The following PCDHA13 variants were observed in gnomAD, a reference collection of about 807,000 sequenced individuals.
PCDHA13 encodes protocadherin alpha 13, also known as protocadherin alpha-13.
Under a neutral mutation model 64.8 loss-of-function variants are expected in PCDHA13, and 54 were observed. That is an observed-to-expected ratio of 0.83 (90% CI 0.67 to 1.04). The LOEUF is 1.04. PCDHA13 is among the 50% of genes least tolerant of loss of function. The pLI is 0.00. For synonymous variants in PCDHA13, 587 were observed against 564.4 expected, an observed-to-expected ratio of 1.04 and a Z score of -0.57; for missense variants, 1,248 against 1,254.3, an observed-to-expected ratio of 0.99 and a Z score of 0.08.
At chr5:140,968,697 C>G in intron 1 of PCDHA13, 2 of 1,614,144 alleles carry the variant, frequency 1.2e-6, no homozygotes, top group South Asian at 2.2e-5. Flanking sequence ...GAAATTAGGA[C>G]TACCAGGAAG....
chr5:140,935,710 A>C (rs551291942), intron 1 of PCDHA13, among the ~76,000 whole-genome samples: 1 of 152,272 alleles, frequency 6.6e-6, no homozygotes, highest in South Asian at 2.1e-4. Context: ...TATAAAACAA[A>C]ATATATTTAG....
intron 1 of PCDHA13, chr5:140,969,383 C>T: frequency 6.3e-6 from 10 of 1,597,986 alleles, no homozygotes; most frequent in African/African-American, 1.3e-5. Context: ...TGTTACACAT[C>T]CCCCAATATC....
intron 1 of PCDHA13, among the ~76,000 whole-genome samples, chr5:140,891,255 A>C (rs1313851741): frequency 6.6e-6 from 1 of 151,868 alleles, no homozygotes; most frequent in Non-Finnish European, 1.5e-5. Context: ...GATTTTTTTT[A>C]ATTTTTAATT....
At position 140,968,680 on chromosome 5, in the gene PCDHA13, C is replaced by T. The variant is rs546565550; in HGVS notation, c.2395-10269C>T. 10 of 1,614,154 alleles carry T rather than the reference C, an allele frequency of 6.2e-6. No homozygotes were observed. The South Asian group carries it at 6.6e-5, about 11-fold the overall frequency. ...TGGACCTCTTTAAGGTAGAGCTGCA[C>T]ACAGGAGAAATTAGGACTACCAGGA... On this transcript the variant is annotated intron_variant, in intron 1 of 3. Coordinates refer to ENST00000289272, the MANE Select transcript of PCDHA13 (RefSeq NM_018904.3).
At chr5:140,931,216 A>G (rs1347905969) in intron 1 of PCDHA13, among the ~76,000 whole-genome samples, 4 of 152,190 alleles carry the variant, frequency 2.6e-5, no homozygotes, top group African/African-American at 9.6e-5. Context: ...TTCAGGTATC[A>G]GAGCACTTAA....
At chr5:140,968,310 G>T (rs2096237719) in intron 1 of PCDHA13, 4 of 1,613,920 alleles carry the variant, frequency 2.5e-6, no homozygotes, top group Non-Finnish European at 3.4e-6. Flanking sequence ...GAGATTCAAG[G>T]GCTGCCAGTC....
At chr5:141,006,375 CTAAG>C (rs2098270775) in intron 3 of PCDHA13, among the ~76,000 whole-genome samples, 1 of 151,930 alleles carries the variant, frequency 6.6e-6, no homozygotes, top group Admixed American at 6.6e-5. Flanking sequence ...CCACGCCCGG[CTAAG>C]TTTTTTCTAT....
chr5:140,902,798 T>C (rs1554190660), intron 1 of PCDHA13, among the ~76,000 whole-genome samples: 1 of 152,156 alleles, frequency 6.6e-6, no homozygotes, highest in Admixed American at 6.5e-5. Context: ...CACTTGTATG[T>C]GAGAATATAC....
chr5:140,980,545 G>A lies in PCDHA13; in HGVS notation c.2453+1538G>A, dbSNP rs190037193. ...CTAGGGAGGCTGAGGCAGGAGAATC[G>A]CTTGAACCCGGGAGGCGGAAGTTGC... On this transcript the variant is annotated intron_variant, in intron 2 of 3. Transcript: ENST00000289272. 4.1e-3 allele frequency among the ~76,000 whole-genome samples: 627 copies of A among 152,232 alleles called. 4 individuals are homozygous for A. Among genetic ancestry groups the A allele is most frequent in the Non-Finnish European group, 6.8e-3 (460 of 67,996 alleles).
At chr5:140,907,840 A>C (rs2073633940) in intron 1 of PCDHA13, among the ~76,000 whole-genome samples, 1 of 152,160 alleles carries the variant, frequency 6.6e-6, no homozygotes, top group South Asian at 2.1e-4. Context: ...TGTTTATTAA[A>C]ATCCTCCTCT....
chr5:140,886,097 A>C (rs1341108712), intron 1 of PCDHA13, among the ~76,000 whole-genome samples: 1 of 152,214 alleles, frequency 6.6e-6, no homozygotes, highest in Admixed American at 6.5e-5. Context: ...ATTGACATTG[A>C]TACAGTAAAG....
intron 3 of PCDHA13, among the ~76,000 whole-genome samples, chr5:140,997,260 T>G (rs1364203100): frequency 6.6e-6 from 1 of 152,196 alleles, no homozygotes; most frequent in Admixed American, 6.5e-5. Flanking sequence ...GGTTCACTCT[T>G]CCAAATATTT....
chr5:140,920,054 C>A (rs1332238212), intron 1 of PCDHA13, among the ~76,000 whole-genome samples: 1 of 152,150 alleles, frequency 6.6e-6, no homozygotes, highest in Non-Finnish European at 1.5e-5. Context: ...CAGCCACCAA[C>A]ACCTGGAAAA....
At chr5:140,931,970 G>A (rs2087909153) in intron 1 of PCDHA13, among the ~76,000 whole-genome samples, 1 of 151,866 alleles carries the variant, frequency 6.6e-6, no homozygotes, top group Non-Finnish European at 1.5e-5. Flanking sequence ...TGATGCATAT[G>A]TGTTTATATT....
chr5:140,969,210 C>T, intron 1 of PCDHA13: 10 of 1,614,184 alleles, frequency 6.2e-6, no homozygotes, highest in Non-Finnish European at 8.5e-6. Flanking sequence ...GGGGCCCAGA[C>T]AGGACCAGGG....
chr5:140,901,234 T>C (rs1013983503), intron 1 of PCDHA13, among the ~76,000 whole-genome samples: 1 of 152,156 alleles, frequency 6.6e-6, no homozygotes, highest in Non-Finnish European at 1.5e-5. Flanking sequence ...ATATATCCAT[T>C]TTTTTCCTTT....
rs782564165 is a variant in PCDHA13, at chr5:141,010,450, G to A, written c.*513G>A. ...AAGAAAACAAAGACAAATAAACAGC[G>A]GAAGTTATCAGTATGGAGGGGAAGT... On this transcript the variant is annotated 3_prime_UTR_variant, in exon 4 of 4. Transcript: ENST00000289272. The A allele has an allele frequency of 6.5e-6, 6 of 920,764 alleles. No individual in the cohort carries two copies. The East Asian group carries it at 8.2e-5, about 13-fold the overall frequency. 57.0% of individuals were successfully genotyped at this position (920,764 alleles called of 1,614,324 possible).
In PCDHA13 at chr5:140,884,176, T is replaced by C; in HGVS notation, c.1908T>C (p.Pro636=). Residue 636 remains proline (P), a synonymous_variant, in exon 1 of 4, where the codon CCT becomes CCC. Transcript: ENST00000289272. ...CTGGCGAGATCAGCACGACGCGCCC[T>C]CTGGACGAGGTGGACGCGCCGCACC... ...LYTGEISTTR[P]LDEVDAPHHR... 6.2e-7 allele frequency: 1 copy of C among 1,613,372 alleles called. No individual in the cohort carries two copies. The highest frequency in any genetic ancestry group is 1.1e-5 in the South Asian group (1 of 91,068).
intron 1 of PCDHA13, among the ~76,000 whole-genome samples, chr5:140,917,447 A>T (rs155358): frequency 0.58 from 87,947 of 151,944 alleles, 26,404 homozygotes; most frequent in African/African-American, 0.75. Flanking sequence ...TTGCTGCAAG[A>T]GCGTTTGGCA....
Sources: gnomAD v4.1 joint callset for allele counts (sites outside exome capture counted in the v4.1 genomes callset) on GRCh38, gnomAD v4.1.1 for gene constraint, MANE v1.5 for transcripts, NCBI Gene and HGNC (gene_info 2026-07-23, HGNC 2026-07-21) for gene names.